Variants in MYH9 observed in about 807,000 individuals in gnomAD.
The protein encoded by MYH9 is myosin-9.
A neutral mutation model predicts 241.9 loss-of-function variants in MYH9; 29 were observed. The ratio of observed to expected loss-of-function variants is 0.12; its 90% CI spans 0.09 to 0.16. The LOEUF (loss-of-function observed/expected upper bound fraction) is 0.16. Ranked by LOEUF, MYH9 falls within the 10% of genes least tolerant of loss-of-function variation. The pLI is 1.00. For missense variants in MYH9, 1,803 were observed against 2,595.5 expected, an observed-to-expected ratio of 0.69 and a Z score of 6.63; for synonymous variants, 1,047 against 1,062.6, an observed-to-expected ratio of 0.99 and a Z score of 0.29.
At chr22:36,298,335 T>C (rs1055170260) in intron 24 of MYH9, among the ~76,000 whole-genome samples, 8 of 152,000 alleles carry the variant, frequency 5.3e-5, no homozygotes, top group African/African-American at 1.9e-4. Flanking sequence ...ACCCCCTCCC[T>C]GCCACAGATC....
Position 36,356,752 on chromosome 22 carries a change from C to T in MYH9, c.-19-7497G>A, listed in dbSNP as rs769058750. On this transcript the variant is annotated intron_variant, in intron 1 of 40. Coordinates refer to ENST00000216181, the MANE Select transcript of MYH9 (RefSeq NM_002473.6). ...GATCCCAGGGGGTTTCTAATGAGGT[C>T]GCGCGGCAGGACGGACATGAACCTA... 3.9e-5 allele frequency among the ~76,000 whole-genome samples: 6 copies of T among 152,162 alleles called. No individual in the cohort carries two copies. In the South Asian group the frequency reaches 6.2e-4, roughly 16 times the overall value.
In MYH9 at chr22:36,301,516, G is replaced by T. The variant is rs2016876949; in HGVS notation, c.2631+18C>A. On this transcript the variant is annotated intron_variant, in intron 21 of 40. Coordinates refer to ENST00000216181, the MANE Select transcript of MYH9 (RefSeq NM_002473.6). ...AGGCAGGTCGTGCGACCTGGACTGA[G>T]CCTGCACTGACACCCACCTGAGACT... The T allele has an allele frequency of 1.9e-6, 3 of 1,612,302 alleles. No individual in the cohort carries two copies. The highest frequency in any genetic ancestry group is 1.3e-5 in the African/African-American group (1 of 74,928).
At chr22:36,352,409 G>A (rs553235222) in intron 1 of MYH9, among the ~76,000 whole-genome samples, 2 of 152,252 alleles carry the variant, frequency 1.3e-5, no homozygotes, top group South Asian at 2.1e-4. Context: ...AGCTCTGACC[G>A]TCCTCAAACG....
chr22:36,339,741 A>G (rs2017554053), intron 3 of MYH9, among the ~76,000 whole-genome samples: 1 of 152,238 alleles, frequency 6.6e-6, no homozygotes, highest in Non-Finnish European at 1.5e-5. Context: ...GTAATGGGAC[A>G]TAACAAACCA....
intron 1 of MYH9, among the ~76,000 whole-genome samples, chr22:36,378,922 TC>T (rs1174020117): frequency 6.6e-6 from 1 of 152,080 alleles, no homozygotes; most frequent in African/African-American, 2.4e-5. Flanking sequence ...GCCAAGGTTT[TC>T]TACCGACTCA....
chr22:36,383,978 G>T (rs574303512), intron 1 of MYH9, among the ~76,000 whole-genome samples: 257 of 143,422 alleles, frequency 1.8e-3, no homozygotes, highest in African/African-American at 6.4e-3. Flanking sequence ...AAAAAAAAGT[G>T]GGCGAGGGGG....
chr22:36,325,212 A>G (rs920341700), intron 5 of MYH9: 4 of 677,910 alleles, frequency 5.9e-6, no homozygotes, highest in Non-Finnish European at 1.1e-5. Flanking sequence ...AAGAAACTGT[A>G]TTAGTTTCTA....
At chr22:36,298,893 T>TCA (rs752891690) in intron 24 of MYH9, 26 bp downstream of exon 24, 1 of 1,612,382 alleles carries the variant, frequency 6.2e-7, no homozygotes, top group Admixed American at 1.7e-5. Context: ...CCCCTGCCCA[T>TCA]CACCTCCTGC....
intron 1 of MYH9, among the ~76,000 whole-genome samples, chr22:36,359,085 G>A (rs1217261408): frequency 6.6e-6 from 1 of 152,128 alleles, no homozygotes; most frequent in Non-Finnish European, 1.5e-5. Context: ...AAGCTCAAAC[G>A]CTCCCTTCTC....
chr22:36,322,533 C>G lies in MYH9; in HGVS notation c.613-12G>C. 1.9e-6 allele frequency: 3 copies of G among 1,613,378 alleles called. No homozygotes were observed. Among genetic ancestry groups the G allele is most frequent in the Non-Finnish European group, 2.5e-6 (3 of 1,179,882 alleles). On this transcript the variant is annotated splice_polypyrimidine_tract_variant and intron_variant, in intron 5 of 40. Coordinates refer to ENST00000216181, the MANE Select transcript of MYH9 (RefSeq NM_002473.6). ...CGCTCCAGCTCGCCCTGCAAGGAAC[C>G]CAGGGACGCAGTGAAGGCCGGGCAG...
At chr22:36,383,665 A>AAG (rs1556648203) in intron 1 of MYH9, among the ~76,000 whole-genome samples, 16 of 142,454 alleles carry the variant, frequency 1.1e-4, no homozygotes, top group Admixed American at 2.1e-4. Context: ...TTAAAAAAAA[A>AAG]GGGGGGGGGG....
rs555294110 is a variant in MYH9, at chr22:36,385,479, C to T, written c.-20+2328G>A. Among the ~76,000 whole-genome samples, 5 of 152,256 alleles carry T rather than the reference C, an allele frequency of 3.3e-5. No homozygotes were observed. In the South Asian group the frequency reaches 6.2e-4, roughly 19 times the overall value. On this transcript the variant is annotated intron_variant, in intron 1 of 40. Coordinates refer to ENST00000216181, the MANE Select transcript of MYH9 (RefSeq NM_002473.6). ...TGTTTTGTTTTTTCTGGAGCAAGAG[C>T]GGGCAAAAGGCAGGCTGTGATTAAC...
intron 13 of MYH9, 110 bp from the exon 14 acceptor site, chr22:36,312,332 G>A (rs2017077949): frequency 2.7e-6 from 3 of 1,104,186 alleles, no homozygotes; most frequent in Non-Finnish European, 4.0e-6. Context: ...ACAGACGGTG[G>A]GCGACACACT....
chr22:36,306,620 C>T lies in MYH9; in HGVS notation c.1844-13G>A, dbSNP rs771208801. On this transcript the variant is annotated splice_polypyrimidine_tract_variant and intron_variant, in intron 15 of 40. Transcript: ENST00000216181. The surrounding 1 kb of genome is among the most constrained non-coding windows in gnomAD (Gnocchi z 4.1). ...ATGATGCGGTCCACTGTGGAGACCA[C>T]AGAGAACACGTGAGTGCCCACACAG... The T allele has an allele frequency of 8.7e-6, 14 of 1,609,660 alleles. No homozygotes were observed. The South Asian group carries it at 8.8e-5, about 10-fold the overall frequency.
At chr22:36,382,373 G>A (rs1359394513) in intron 1 of MYH9, among the ~76,000 whole-genome samples, 2 of 152,098 alleles carry the variant, frequency 1.3e-5, no homozygotes, top group Non-Finnish European at 2.9e-5. Context: ...TACTTGGGAA[G>A]CTGAGGCAGG....
At chr22:36,353,102 C>CAT (rs2017795926) in intron 1 of MYH9, among the ~76,000 whole-genome samples, 1 of 142,876 alleles carries the variant, frequency 7.0e-6, no homozygotes, top group Non-Finnish European at 1.5e-5. Context: ...CCTCTGGGGG[C>CAT]GTGTGTGTGT....
rs76083769 is a variant in MYH9, at chr22:36,320,733, T to C, written c.868+65A>G. ...TTCATTTCCCAAATGATGTCTACGG[T>C]CCAATTCTGGCAAGAGGCCCAGAGC... On this transcript the variant is annotated intron_variant, in intron 8 of 40. Coordinates refer to ENST00000216181, the MANE Select transcript of MYH9 (RefSeq NM_002473.6). This position sits in a 1 kb window ranked among gnomAD's most constrained non-coding sequence, Gnocchi z 4.8. The C allele has an allele frequency of 0.058, 80,137 of 1,380,814 alleles. 2,802 individuals are homozygous for C. Among genetic ancestry groups the C allele is most frequent in the African/African-American group, 0.14 (9,954 of 70,196 alleles). The allele number at this position is 1,380,814 out of a possible 1,614,324, so 85.5% of individuals were successfully genotyped here.
chr22:36,292,942 G>GA, intron 30 of MYH9, among the ~76,000 whole-genome samples: 1 of 152,198 alleles, frequency 6.6e-6, no homozygotes, highest in Admixed American at 6.5e-5. Flanking sequence ...AACAAACAGC[G>GA]CAGGCCTGGG....
chr22:36,282,439 T>C lies in MYH9; in HGVS notation c.*229A>G, dbSNP rs1369484959. ...TGCCTGGGCCCGGGCCCTGTCTCTT[T>C]GGTATCAGATTCTGAGCAGGGGAGG... is the stretch of plus-strand genomic sequence containing the variant. On this transcript the variant is annotated 3_prime_UTR_variant, in exon 41 of 41. Coordinates refer to ENST00000216181, the MANE Select transcript of MYH9 (RefSeq NM_002473.6). 3.1e-6 allele frequency: 2 copies of C among 650,104 alleles called. No individual in the cohort carries two copies. The highest frequency in any genetic ancestry group is 3.6e-5 in the African/African-American group (2 of 55,984). 40.3% of individuals were successfully genotyped at this position (650,104 alleles called of 1,614,324 possible).
Sources: allele counts gnomAD v4.1 joint callset (sites outside exome capture counted in the v4.1 genomes callset), GRCh38; gene constraint gnomAD v4.1.1; non-coding constraint Gnocchi (gnomAD v3.1); transcripts MANE v1.5; gene names NCBI Gene and HGNC (gene_info 2026-07-23, HGNC 2026-07-21).